The following DLG2 variants were observed in gnomAD, a reference collection of about 807,000 sequenced individuals.
The protein encoded by DLG2 is disks large homolog 2.
Under a neutral mutation model 132.5 loss-of-function variants are expected in DLG2, and 45 were observed. That is an observed-to-expected ratio of 0.34 (90% confidence interval 0.27 to 0.44). The LOEUF is 0.44. Ranked by LOEUF, DLG2 falls within the 20% of genes least tolerant of loss-of-function variation. The pLI, the probability that DLG2 is intolerant of heterozygous loss-of-function variation, is 1.00. For synonymous variants in DLG2, 424 were observed against 419.6 expected, an observed-to-expected ratio of 1.01 and a Z score of -0.13; for missense variants, 1,045 against 1,196.9, an observed-to-expected ratio of 0.87 and a Z score of 1.87.
intron 3 of DLG2, among the ~76,000 whole-genome samples, chr11:85,445,394 C>A (rs964436186): frequency 1.9e-4 from 29 of 152,170 alleles, no homozygotes; most frequent in African/African-American, 6.5e-4. Context: ...ATTGAAAGCA[C>A]TGGCCGGGCG....
intron 5 of DLG2, among the ~76,000 whole-genome samples, chr11:85,144,844 G>C (rs1335825444): frequency 6.6e-6 from 1 of 151,966 alleles, no homozygotes; most frequent in Admixed American, 6.6e-5. Flanking sequence ...TTCAAGATAT[G>C]AGTGGTTTAC....
chr11:84,740,375 T>C (rs2064440283), intron 6 of DLG2, among the ~76,000 whole-genome samples: 1 of 152,106 alleles, frequency 6.6e-6, no homozygotes, highest in Non-Finnish European at 1.5e-5. Context: ...TTACAATCCT[T>C]ACTACAGAAG....
chr11:84,154,266 G>A (rs896160483), intron 9 of DLG2, among the ~76,000 whole-genome samples: 2 of 152,164 alleles, frequency 1.3e-5, no homozygotes, highest in South Asian at 2.1e-4. Context: ...CCAAAGTGCT[G>A]GGATTACAGG....
intron 4 of DLG2, among the ~76,000 whole-genome samples, chr11:85,179,644 A>G (rs1240288630): frequency 2.0e-5 from 3 of 151,888 alleles, no homozygotes; most frequent in Admixed American, 6.6e-5. Flanking sequence ...TTTCAGTACA[A>G]CAGGAGGTAC....
chr11:83,838,861 C>A (rs2056891778), intron 16 of DLG2, among the ~76,000 whole-genome samples: 1 of 151,610 alleles, frequency 6.6e-6, no homozygotes, highest in South Asian at 2.1e-4. Flanking sequence ...TGTACTCATA[C>A]TCCTATCAAA....
intron 6 of DLG2, among the ~76,000 whole-genome samples, chr11:84,671,044 CGG>C (rs991355759): frequency 6.6e-6 from 1 of 151,930 alleles, no homozygotes; most frequent in African/African-American, 2.4e-5. Context: ...GGGTTACATC[CGG>C]CAGCCTTGTC....
intron 6 of DLG2, among the ~76,000 whole-genome samples, chr11:84,968,266 G>A (rs1172923420): frequency 6.6e-6 from 1 of 152,122 alleles, no homozygotes; most frequent in Non-Finnish European, 1.5e-5. Context: ...TGCATATTTT[G>A]TAATAAATAT....
At chr11:83,562,419 G>A (rs1198022148) in intron 19 of DLG2, among the ~76,000 whole-genome samples, 1 of 152,020 alleles carries the variant, frequency 6.6e-6, no homozygotes, top group Admixed American at 6.5e-5. Flanking sequence ...GGGTGGGGGG[G>A]TACCATTTAC....
chr11:84,064,236 T>A (rs10898197), intron 10 of DLG2, among the ~76,000 whole-genome samples: 126,227 of 151,886 alleles, frequency 0.83, 52,943 homozygotes, highest in Middle Eastern at 0.92. Flanking sequence ...GTTAAAAATT[T>A]AAAAATTCCC....
chr11:84,540,532 C>T (rs907784140), intron 6 of DLG2, among the ~76,000 whole-genome samples: 2 of 152,064 alleles, frequency 1.3e-5, no homozygotes, highest in Non-Finnish European at 2.9e-5. Flanking sequence ...CATTAAAAGT[C>T]AGGAAACAAC....
chr11:83,576,826 G>A (rs1344540056), intron 19 of DLG2, among the ~76,000 whole-genome samples: 3 of 152,184 alleles, frequency 2.0e-5, no homozygotes, highest in Non-Finnish European at 2.9e-5. Flanking sequence ...ATGGAAGTCT[G>A]GATATATATA....
In DLG2 at chr11:84,443,235, C is replaced by T. The variant is rs557473385; in HGVS notation, c.519+91335G>A. Among the ~76,000 whole-genome samples, 44 of 152,234 alleles carry T rather than the reference C, an allele frequency of 2.9e-4. No homozygotes were observed. In the Middle Eastern group the frequency reaches 0.01, roughly 35 times the overall value. On this transcript the variant is annotated intron_variant, in intron 7 of 27. Transcript: ENST00000376104. ...TGTAAAGAACCTAATGTAACATTTA[C>T]CTTCCATCCAGATTTAATAAATGTT...
In DLG2 at chr11:84,005,377, C is replaced by T. The variant is rs572492230; in HGVS notation, c.920-24735G>A. ...ACAGATTAAAGCCTTAAATGGAAGG[C>T]CTGAAATTATAAAACTCACAGAAGA... On this transcript the variant is annotated intron_variant, in intron 11 of 27. Transcript: ENST00000376104. 2.2e-4 allele frequency among the ~76,000 whole-genome samples: 34 copies of T among 151,974 alleles called. No homozygotes were observed. The South Asian group carries it at 4.6e-3, about 20-fold the overall frequency.
At chr11:83,878,622 G>A (rs966677056) in intron 15 of DLG2, among the ~76,000 whole-genome samples, 2 of 152,114 alleles carry the variant, frequency 1.3e-5, no homozygotes, top group African/African-American at 2.4e-5. Flanking sequence ...GACTTTTGAA[G>A]ATGATTTTTA....
chr11:83,670,535 C>T (rs761917235), intron 18 of DLG2, among the ~76,000 whole-genome samples: 11 of 151,908 alleles, frequency 7.2e-5, no homozygotes, highest in Non-Finnish European at 1.5e-4. Context: ...TGGGCTCACT[C>T]ACAAGCACAT....
chr11:84,023,023 G>T (rs1245459866), intron 11 of DLG2, among the ~76,000 whole-genome samples: 1 of 151,984 alleles, frequency 6.6e-6, no homozygotes, highest in Non-Finnish European at 1.5e-5. Context: ...CAAAAAAAAT[G>T]GTGATTTATC....
At chr11:85,323,887 A>T (rs2081257449) in intron 3 of DLG2, among the ~76,000 whole-genome samples, 1 of 152,120 alleles carries the variant, frequency 6.6e-6, no homozygotes, top group Non-Finnish European at 1.5e-5. Context: ...CACTTTTTTT[A>T]AATCCATTAA....
chr11:84,249,898 G>C (rs906088797), intron 8 of DLG2, among the ~76,000 whole-genome samples: 1 of 152,110 alleles, frequency 6.6e-6, no homozygotes, highest in Admixed American at 6.5e-5. Context: ...TGTTATTCTT[G>C]TCCTGACCCT....
At chr11:84,361,060 A>T (rs994561085) in intron 7 of DLG2, among the ~76,000 whole-genome samples, 9 of 151,976 alleles carry the variant, frequency 5.9e-5, no homozygotes, top group African/African-American at 1.7e-4. Context: ...TAGTGACGGA[A>T]ACTGTTTAAA....
Sources: allele counts gnomAD v4.1 joint callset (sites outside exome capture counted in the v4.1 genomes callset), GRCh38; gene constraint gnomAD v4.1.1; transcripts MANE v1.5; gene names NCBI Gene and HGNC (gene_info 2026-07-23, HGNC 2026-07-21).